PTK2B: variants seen among roughly 807,000 people sequenced by gnomAD.
The protein encoded by PTK2B is protein tyrosine kinase 2 beta, also known as protein-tyrosine kinase 2-beta.
PTK2B carries 71 observed loss-of-function variants against 142.9 expected under a neutral mutation model. The observed-to-expected ratio is 0.50, with a 90% CI of 0.41 to 0.61. The LOEUF is 0.61. PTK2B is among the 20% of genes least tolerant of loss of function. The pLI, the probability that PTK2B is intolerant of heterozygous loss-of-function variation, is 0.00. For missense variants in PTK2B, 1,105 were observed against 1,320.4 expected (o/e 0.84, Z 2.53); for synonymous variants, 519 against 503.4 (o/e 1.03, Z -0.42).
chr8:27,352,033 G>A lies in PTK2B; in HGVS notation c.-38+26352G>A, dbSNP rs114364076. 2.5e-3 allele frequency among the ~76,000 whole-genome samples: 384 copies of A among 152,290 alleles called. 2 individuals are homozygous for A. Among genetic ancestry groups the A allele is most frequent in the African/African-American group, 8.9e-3 (371 of 41,544 alleles). On this transcript the variant is annotated intron_variant, in intron 1 of 30. Transcript: ENST00000346049. ...GCTGTTTGGGCTTCACTTCCTCTGGGCAGGGAGCTGACAGCAGCGGCTCTG... is the reference window on the plus strand; with the variant it reads ...GCTGTTTGGGCTTCACTTCCTCTGGACAGGGAGCTGACAGCAGCGGCTCTG...
rs1238902684 is a variant in PTK2B, at chr8:27,459,078, G to T, written c.*569G>T. 1.2e-5 allele frequency: 3 copies of T among 250,248 alleles called. No individual in the cohort carries two copies. Among genetic ancestry groups the T allele is most frequent in the Non-Finnish European group, 2.4e-5 (3 of 126,584 alleles). 15.5% of individuals were successfully genotyped at this position (250,248 alleles called of 1,614,324 possible). On this transcript the variant is annotated 3_prime_UTR_variant, in exon 31 of 31. Coordinates refer to ENST00000346049, the MANE Select transcript of PTK2B (RefSeq NM_173176.3). The stretch of plus-strand genomic sequence containing the variant: ...GTGCCCTCCTGAGGGAGGACCTGGG[G>T]CACAGTCCAGGAACAAGCTAATTGG...
intron 30 of PTK2B, among the ~76,000 whole-genome samples, chr8:27,455,951 A>G (rs1812115721): frequency 6.6e-6 from 1 of 152,188 alleles, no homozygotes; most frequent in African/African-American, 2.4e-5. Context: ...CACTGTCCCC[A>G]CTGTCAGTGG....
At chr8:27,400,635 A>G (rs1808322338) in intron 2 of PTK2B, among the ~76,000 whole-genome samples, 1 of 152,158 alleles carries the variant, frequency 6.6e-6, no homozygotes, top group Non-Finnish European at 1.5e-5. Flanking sequence ...TAGGGAGGGA[A>G]AGAAAGGAAG....
chr8:27,382,019 G>A (rs1218296927), intron 1 of PTK2B, among the ~76,000 whole-genome samples: 1 of 152,002 alleles, frequency 6.6e-6, no homozygotes, highest in African/African-American at 2.4e-5. Context: ...GCATGATCTC[G>A]GCTCACTGCA....
At chr8:27,431,199 G>T in intron 8 of PTK2B, 183 bp downstream of exon 8, 1 of 1,470,198 alleles carries the variant, frequency 6.8e-7, no homozygotes, top group Non-Finnish European at 9.1e-7. Context: ...GCACTGAAAT[G>T]TTGGCCTCCA....
rs531476522 is a variant in PTK2B at position 27,357,531 on chromosome 8, A to G, written c.-38+31850A>G. Among the ~76,000 whole-genome samples the G allele has an allele frequency of 1.9e-3, 287 of 152,354 alleles. 3 individuals are homozygous for G. Among genetic ancestry groups the G allele is most frequent in the Middle Eastern group, 0.017 (5 of 294 alleles). On this transcript the variant is annotated intron_variant, in intron 1 of 30. Transcript: ENST00000346049. The stretch of plus-strand genomic sequence containing the variant: ...GTGCCTGCCATCTCCCTTAACCGCT[A>G]TCAGGAGCATCATTTCCCAACCACC...
At chr8:27,336,969 C>G (rs1453450508) in intron 1 of PTK2B, among the ~76,000 whole-genome samples, 8 of 132,914 alleles carry the variant, frequency 6.0e-5, no homozygotes, top group Non-Finnish European at 1.2e-4. Flanking sequence ...ACGTCCCCAC[C>G]ACCCGTCCCC....
At chr8:27,343,265 C>T (rs984047909) in intron 1 of PTK2B, among the ~76,000 whole-genome samples, 1 of 152,188 alleles carries the variant, frequency 6.6e-6, no homozygotes, top group African/African-American at 2.4e-5. Context: ...GATCCACCTT[C>T]TTCTTCTGGA....
intron 1 of PTK2B, chr8:27,311,819 G>A (rs2130377503): frequency 6.6e-6 from 1 of 152,562 alleles, no homozygotes; most frequent in African/African-American, 2.4e-5. Context: ...GCCGCGGTAA[G>A]GAGAAACAAG....
Position 27,405,377 on chromosome 8 carries a change from C to T in PTK2B, c.204+7589C>T, listed in dbSNP as rs73570143. Among the ~76,000 whole-genome samples, 10 of 152,208 alleles carry T rather than the reference C, an allele frequency of 6.6e-5. No individual in the cohort carries two copies. The South Asian group carries it at 2.1e-3, about 32-fold the overall frequency. The stretch of plus-strand genomic sequence containing the variant: ...ATGCTGCTAGAGTAGGGCCCAAGGT[C>T]ACAGTGCAAGAGGTAGGGAGGAGGA... On this transcript the variant is annotated intron_variant, in intron 2 of 30. Coordinates refer to ENST00000346049, the MANE Select transcript of PTK2B (RefSeq NM_173176.3).
At chr8:27,385,764 G>A (rs1041970727) in intron 1 of PTK2B, among the ~76,000 whole-genome samples, 2 of 151,824 alleles carry the variant, frequency 1.3e-5, no homozygotes, top group Non-Finnish European at 2.9e-5. Flanking sequence ...ATGGGGGCGG[G>A]CACCTATAAT....
rs1357787156 is a variant in PTK2B at position 27,436,245 on chromosome 8, G to A, written c.1244-6G>A. 6.2e-7 allele frequency: 1 copy of A among 1,613,978 alleles called. No homozygotes were observed. The highest frequency in any genetic ancestry group is 1.1e-5 in the South Asian group (1 of 91,078). ...TGATCTGCGACTGTTTTCTCTGTCT[G>A]TGCAGGTCCACAGTATGGCATTGCC... On this transcript the variant is annotated splice_region_variant and splice_polypyrimidine_tract_variant and intron_variant, in intron 14 of 30. Transcript: ENST00000346049.
intron 24 of PTK2B, among the ~76,000 whole-genome samples, chr8:27,446,437 A>AAGTG (rs1811475208): frequency 6.6e-6 from 1 of 152,086 alleles, no homozygotes; most frequent in Non-Finnish European, 1.5e-5. Flanking sequence ...AACTGGCTAG[A>AAGTG]GCAGGGACCT....
At chr8:27,347,163 G>T (rs951887784) in intron 1 of PTK2B, among the ~76,000 whole-genome samples, 2 of 150,870 alleles carry the variant, frequency 1.3e-5, no homozygotes, top group Admixed American at 6.6e-5. Flanking sequence ...GATCACTTGA[G>T]GACAGGAGTT....
At chr8:27,325,431 T>C (rs1803350122), upstream of PTK2B, 1 of 152,174 alleles carries the variant, frequency 6.6e-6, no homozygotes, top group Non-Finnish European at 1.5e-5. Context: ...TCAGAGTTTA[T>C]GGTAAGAGGC....
Position 27,445,848 on chromosome 8 carries a change from C to A in PTK2B, c.2269C>A (p.Pro757Thr). Reference sequence around the variant, plus strand: ...TACGCTCACCAGCCCTATGGAGTATCCATCTCCCGTTAACTCACTGCACAC... The same window carrying A: ...TACGCTCACCAGCCCTATGGAGTATACATCTCCCGTTAACTCACTGCACAC... ...SPTLTSPMEY[P>T]SPVNSLHTPP... Residue 757 changes from proline (P) to threonine (T), a missense_variant, in exon 24 of 31, where the codon CCA becomes ACA. By Grantham distance (38) the Pro-to-Thr change is conservative. Transcript: ENST00000346049. 1 of 1,614,124 alleles carries A rather than the reference C, an allele frequency of 6.2e-7. No individual in the cohort carries two copies. The highest frequency in any genetic ancestry group is 8.5e-7 in the Non-Finnish European group (1 of 1,180,034).
chr8:27,443,700 G>A (rs2132299099), intron 22 of PTK2B, among the ~76,000 whole-genome samples: 1 of 152,284 alleles, frequency 6.6e-6, no homozygotes, highest in South Asian at 2.1e-4. Flanking sequence ...TGGGGGTTCA[G>A]GCTTCAACAT....
At chr8:27,326,237 TG>T (rs1803411191) in intron 1 of PTK2B, among the ~76,000 whole-genome samples, 3 of 151,406 alleles carry the variant, frequency 2.0e-5, no homozygotes, top group African/African-American at 7.3e-5. Context: ...TGTGTGTGTG[TG>T]TGTGTGTGTG....
At chr8:27,325,551 C>G (rs1369523791), upstream of PTK2B, 1 of 152,456 alleles carries the variant, frequency 6.6e-6, no homozygotes, top group Non-Finnish European at 1.5e-5. Context: ...AACCTGTCAG[C>G]CCTTTTACTC....
Sources: allele counts gnomAD v4.1 joint callset (sites outside exome capture counted in the v4.1 genomes callset), GRCh38; gene constraint gnomAD v4.1.1; transcripts MANE v1.5; gene names NCBI Gene and HGNC (gene_info 2026-07-23, HGNC 2026-07-21).